Variants in ECE1 observed in about 807,000 individuals in gnomAD.
The protein encoded by ECE1 is endothelin-converting enzyme 1.
ECE1 carries 35 observed loss-of-function variants against 98.6 expected under a neutral mutation model. The ratio of observed to expected loss-of-function variants is 0.35; its 90% CI spans 0.27 to 0.47. The LOEUF (loss-of-function observed/expected upper bound fraction) is 0.47, where lower values mean the gene tolerates loss of function less well. Ranked by LOEUF, ECE1 falls within the 20% of genes least tolerant of loss-of-function variation. ECE1 has a pLI of 1.00. For missense variants in ECE1, 814 were observed against 1,025.3 expected, an observed-to-expected ratio of 0.79 and a Z score of 2.81; for synonymous variants, 394 against 407.1, an observed-to-expected ratio of 0.97 and a Z score of 0.39.
chr1:21,321,619 A>G (rs1174377746), intron 1 of ECE1, among the ~76,000 whole-genome samples: 2 of 151,758 alleles, frequency 1.3e-5, no homozygotes, highest in Non-Finnish European at 2.9e-5. Context: ...GGATTGATTG[A>G]TTGATTGATT....
intron 1 of ECE1, among the ~76,000 whole-genome samples, chr1:21,318,223 G>A (rs1346352707): frequency 3.9e-5 from 6 of 152,280 alleles, no homozygotes; most frequent in South Asian, 2.1e-4. Context: ...GTGTGGACTC[G>A]CAGAGACCCA....
At position 21,218,524 on chromosome 1, in the gene ECE1, A is replaced by G. The variant is rs1483047787; in HGVS notation, c.*1431T>C. On this transcript the variant is annotated 3_prime_UTR_variant, in exon 19 of 19. Coordinates refer to ENST00000374893, the MANE Select transcript of ECE1 (RefSeq NM_001397.3). This position sits in a 1 kb window ranked among gnomAD's most constrained non-coding sequence, Gnocchi z 4.0. ...TGGACTGGTCCTGGGAGCCAGGCCC[A>G]GCCATGTGGTGGATGACGGTGCTCA... 3 of 152,270 alleles carry G rather than the reference A, an allele frequency of 2.0e-5. No homozygotes were observed. The highest frequency in any genetic ancestry group is 7.2e-5 in the African/African-American group (3 of 41,456). 9.4% of individuals were successfully genotyped at this position (152,270 alleles called of 1,614,324 possible).
chr1:21,268,000 G>A (rs1304865356), intron 4 of ECE1, among the ~76,000 whole-genome samples: 1 of 152,190 alleles, frequency 6.6e-6, no homozygotes, highest in African/African-American at 2.4e-5. Context: ...TGTGTTGCTT[G>A]AATTGTCACA....
chr1:21,329,740 C>T (rs1639156180), intron 1 of ECE1, among the ~76,000 whole-genome samples: 1 of 152,222 alleles, frequency 6.6e-6, no homozygotes, highest in Middle Eastern at 3.2e-3. Context: ...CTTCTCAGCA[C>T]ACCACAAATC....
chr1:21,340,932 G>A lies in ECE1; in HGVS notation c.3+4444C>T, dbSNP rs1174460136. Among the ~76,000 whole-genome samples, 1 of 80,178 alleles carries A rather than the reference G, an allele frequency of 1.2e-5. No individual in the cohort carries two copies. Among genetic ancestry groups the A allele is most frequent in the African/African-American group, 1.1e-4 (1 of 9,262 alleles). The allele number at this position is 80,178 out of a possible 152,430, so 52.6% of individuals were successfully genotyped here. A position where few individuals can be genotyped will look rare whatever the true frequency, so the allele number is the denominator to read the frequency against. ...AGGTCCTTCATATGACCATCCCTGA[G>A]TGCACCCTCCGGGCCACCTCCTAAG... On this transcript the variant is annotated intron_variant, in intron 1 of 18. Coordinates refer to the ECE1 transcript ENST00000415912. The surrounding 1 kb of genome is among the most constrained non-coding windows in gnomAD (Gnocchi z 4.6).
At chr1:21,241,035 C>T (rs925272289) in intron 10 of ECE1, among the ~76,000 whole-genome samples, 2 of 152,190 alleles carry the variant, frequency 1.3e-5, no homozygotes, top group Admixed American at 1.3e-4. Flanking sequence ...CCAGAACATC[C>T]AGTGAGAGAA....
At chr1:21,272,567 C>T in intron 4 of ECE1, 132 bp downstream of exon 4, 2 of 1,098,736 alleles carry the variant, frequency 1.8e-6, no homozygotes, top group Non-Finnish European at 2.7e-6. Context: ...GCTGGGATTA[C>T]AGGTGTGAGC....
intron 1 of ECE1, among the ~76,000 whole-genome samples, chr1:21,343,012 G>T (rs1639431971): frequency 1.3e-5 from 2 of 152,060 alleles, no homozygotes; most frequent in African/African-American, 2.4e-5. Context: ...CCCCATTCTG[G>T]CCTTTCCAGG....
At chr1:21,264,617 A>G (rs1379639642) in intron 4 of ECE1, among the ~76,000 whole-genome samples, 1 of 152,182 alleles carries the variant, frequency 6.6e-6, no homozygotes, top group East Asian at 1.9e-4. Context: ...ACCCAGCCCC[A>G]ATTCCTGAAA....
intron 2 of ECE1, among the ~76,000 whole-genome samples, chr1:21,282,692 G>A (rs1217600615): frequency 2.6e-5 from 4 of 152,146 alleles, no homozygotes; most frequent in African/African-American, 9.6e-5. Context: ...TGGGATGCAG[G>A]AAAACCTCAC....
chr1:21,330,471 C>T (rs755609858), intron 1 of ECE1, among the ~76,000 whole-genome samples: 14 of 151,860 alleles, frequency 9.2e-5, no homozygotes, highest in Non-Finnish European at 1.8e-4. Context: ...CCTCAAGTGA[C>T]CCACCCATCG....
chr1:21,332,976 T>C (rs180723548), intron 1 of ECE1, among the ~76,000 whole-genome samples: 10 of 152,262 alleles, frequency 6.6e-5, no homozygotes, highest in African/African-American at 2.4e-4. Context: ...ATATGCACCA[T>C]GCATGCTCTG....
intron 1 of ECE1, among the ~76,000 whole-genome samples, chr1:21,341,889 C>T (rs1241525579): frequency 2.0e-5 from 3 of 152,214 alleles, no homozygotes; most frequent in Middle Eastern, 3.4e-3. Context: ...CCTCTCGCCT[C>T]GCCCCCGCAA....
chr1:21,273,320 T>A (rs2098242507), intron 3 of ECE1, among the ~76,000 whole-genome samples: 1 of 150,916 alleles, frequency 6.6e-6, no homozygotes, highest in African/African-American at 2.4e-5. Flanking sequence ...TGCACCTGCG[T>A]GAAAGTGTGT....
intron 8 of ECE1, among the ~76,000 whole-genome samples, chr1:21,251,514 C>CAAAACA (rs1008723694): frequency 2.0e-5 from 3 of 152,270 alleles, no homozygotes; most frequent in East Asian, 3.9e-4. Flanking sequence ...AGCTCTGTCT[C>CAAAACA]AAAACAAAAA....
intron 10 of ECE1, among the ~76,000 whole-genome samples, chr1:21,238,572 C>T (rs2098191426): frequency 6.6e-6 from 1 of 152,194 alleles, no homozygotes; most frequent in East Asian, 1.9e-4. Flanking sequence ...GCCCAGGGTG[C>T]CCCACGAGTG....
chr1:21,232,843 A>G (rs1283584091), intron 14 of ECE1, among the ~76,000 whole-genome samples: 3 of 151,810 alleles, frequency 2.0e-5, no homozygotes, highest in African/African-American at 7.3e-5. Flanking sequence ...ACACCCGGTT[A>G]ATTTTTGTAT....
intron 1 of ECE1, among the ~76,000 whole-genome samples, chr1:21,341,099 T>C (rs1188475841): frequency 1.3e-5 from 2 of 151,310 alleles, no homozygotes; most frequent in Admixed American, 6.6e-5. Flanking sequence ...TAATGCCATG[T>C]GCTCAGGGAG....
At chr1:21,300,585 CCACCA>C (rs1558422459) in intron 1 of ECE1, among the ~76,000 whole-genome samples, 1 of 152,140 alleles carries the variant, frequency 6.6e-6, no homozygotes, top group African/African-American at 2.4e-5. Flanking sequence ...CAGACATGTT[CCACCA>C]CACCCGGCTA....
Sources: allele counts gnomAD v4.1 joint callset (sites outside exome capture counted in the v4.1 genomes callset), GRCh38; gene constraint gnomAD v4.1.1; non-coding constraint Gnocchi (gnomAD v3.1); transcripts MANE v1.5; gene names NCBI Gene and HGNC (gene_info 2026-07-23, HGNC 2026-07-21).